Variants in PCDHA7 observed in about 807,000 individuals in gnomAD.
PCDHA7 encodes protocadherin alpha 7.
Under a neutral mutation model 57.2 loss-of-function variants are expected in PCDHA7, and 37 were observed. The observed-to-expected ratio is 0.65, with a 90% CI of 0.50 to 0.85. The LOEUF (loss-of-function observed/expected upper bound fraction) is 0.85, where lower values mean the gene tolerates loss of function less well. Among genes scored for constraint, PCDHA7 ranks in the 40% least tolerant of loss-of-function variants. The pLI is 0.00. For missense variants in PCDHA7, 1,188 were observed against 1,241.8 expected (o/e 0.96, Z 0.65); for synonymous variants, 553 against 558.8 (o/e 0.99, Z 0.15).
rs184181976 is a variant in PCDHA7, at chr5:141,009,882, A to C, written c.2759A>C (p.Lys920Thr). Reference protein sequence around the residue: ...KKKKKKKKGNKTQEKKEKGNS... With the variant: ...KKKKKKKKGNTTQEKKEKGNS... Reference sequence around the variant, plus strand: ...AAGAAGAAAAAGAAGAAGGGTAACAAGACCCAGGAGAAAAAAGAGAAAGGG... The same window carrying C: ...AAGAAGAAAAAGAAGAAGGGTAACACGACCCAGGAGAAAAAAGAGAAAGGG... The change falls in exon 4 of 4, where the codon AAG becomes ACG. Residue 920 changes from lysine (K) to threonine (T), a missense_variant. Physicochemically the swap from Lys to Thr is moderately conservative, Grantham distance 78. Transcript: ENST00000525929. 6.2e-7 allele frequency: 1 copy of C among 1,613,488 alleles called. No homozygotes were observed. Among genetic ancestry groups the C allele is most frequent in the Non-Finnish European group, 8.5e-7 (1 of 1,179,914 alleles).
At chr5:140,910,959 A>C (rs1188143214) in intron 1 of PCDHA7, among the ~76,000 whole-genome samples, 1 of 151,944 alleles carries the variant, frequency 6.6e-6, no homozygotes, top group African/African-American at 2.4e-5. Flanking sequence ...CGAGTGTAGC[A>C]CACCTCCTCA....
In PCDHA7 at chr5:141,000,775, C is replaced by T. The variant is rs919489031; in HGVS notation, c.2504-8852C>T. 3.3e-5 allele frequency among the ~76,000 whole-genome samples: 5 copies of T among 151,752 alleles called. No homozygotes were observed. In the East Asian group the frequency reaches 5.8e-4, roughly 18 times the overall value. On this transcript the variant is annotated intron_variant, in intron 3 of 3. Transcript: ENST00000525929. ...AAAAAATCTTAGCCAGGCATAGTGG[C>T]GCACACCTGTATTCCTAGCTACTCA...
At chr5:140,985,999 A>G (rs932659753) in intron 3 of PCDHA7, among the ~76,000 whole-genome samples, 10 of 152,104 alleles carry the variant, frequency 6.6e-5, no homozygotes, top group Non-Finnish European at 1.5e-4. Flanking sequence ...TCAGCCTCCC[A>G]AAGTGCTGGG....
At position 140,835,814 on chromosome 5, in the gene PCDHA7, G is replaced by T. The variant is rs2150245444; in HGVS notation, c.1431G>T (p.Val477=). ...NNPPGCHIFT[V]SAGDADAQKN... ...CGCCGGGCTGCCACATCTTCACTGTGTCGGCGGGGGACGCGGACGCGCAGA... is the reference window on the plus strand; with the variant it reads ...CGCCGGGCTGCCACATCTTCACTGTTTCGGCGGGGGACGCGGACGCGCAGA... Residue 477 remains valine (V), a synonymous_variant, in exon 1 of 4, where the codon GTG becomes GTT. Coordinates refer to ENST00000525929, the MANE Select transcript of PCDHA7 (RefSeq NM_018910.3). The T allele has an allele frequency of 3.1e-6, 5 of 1,612,862 alleles. 1 individual carries two copies. In the South Asian group the frequency reaches 5.5e-5, roughly 18 times the overall value.
chr5:140,849,560 C>T, intron 1 of PCDHA7: 1 of 1,598,572 alleles, frequency 6.3e-7, no homozygotes, highest in Non-Finnish European at 8.6e-7. Context: ...TCAAAACGCT[C>T]TCGGTTCCTG....
chr5:140,969,095 C>T, intron 1 of PCDHA7: 1 of 1,614,168 alleles, frequency 6.2e-7, no homozygotes, highest in East Asian at 2.2e-5. Flanking sequence ...AGTGCAGCCT[C>T]ACTTCATTGA....
chr5:140,867,131 T>C (rs769857763), intron 1 of PCDHA7: 1 of 152,188 alleles, frequency 6.6e-6, no homozygotes, highest in African/African-American at 2.4e-5. Context: ...TTCAAATATG[T>C]GATATTATCA....
intron 1 of PCDHA7, among the ~76,000 whole-genome samples, chr5:140,934,191 C>T (rs563342404): frequency 6.6e-6 from 1 of 152,224 alleles, no homozygotes; most frequent in African/African-American, 2.4e-5. Flanking sequence ...ACATACTTTT[C>T]ATTTCTATTT....
intron 1 of PCDHA7, among the ~76,000 whole-genome samples, chr5:140,923,134 G>A (rs962370475): frequency 3.9e-5 from 6 of 152,106 alleles, no homozygotes; most frequent in African/African-American, 1.2e-4. Flanking sequence ...CACTTTGAAG[G>A]TGGAATATAA....
chr5:140,862,363 C>T, intron 1 of PCDHA7: 1 of 339,946 alleles, frequency 2.9e-6, no homozygotes, highest in Non-Finnish European at 5.8e-6. Context: ...GACAGACGAC[C>T]CGCACCCTGA....
intron 1 of PCDHA7, among the ~76,000 whole-genome samples, chr5:140,872,046 C>T (rs1554166008): frequency 6.6e-6 from 1 of 152,230 alleles, no homozygotes; most frequent in Non-Finnish European, 1.5e-5. Context: ...AGAATTCTCC[C>T]ACTTCAGCCT....
intron 1 of PCDHA7, chr5:140,868,781 A>G (rs868977486): frequency 3.0e-5 from 9 of 299,116 alleles, no homozygotes; most frequent in African/African-American, 1.5e-4. Flanking sequence ...ATGACTTATA[A>G]TCTGAATATT....
chr5:140,871,925 T>C (rs1554165953), intron 1 of PCDHA7, among the ~76,000 whole-genome samples: 1 of 152,244 alleles, frequency 6.6e-6, no homozygotes, highest in African/African-American at 2.4e-5. Flanking sequence ...TTCCACATTG[T>C]TAGATCAACT....
intron 1 of PCDHA7, among the ~76,000 whole-genome samples, chr5:140,909,491 A>T (rs1031839388): frequency 1.3e-5 from 2 of 152,218 alleles, no homozygotes; most frequent in Non-Finnish European, 2.9e-5. Flanking sequence ...GGAGAGCTGA[A>T]CGGGGATGTG....
chr5:140,966,962 G>A (rs370831122), intron 1 of PCDHA7: 1 of 1,602,750 alleles, frequency 6.2e-7, no homozygotes, highest in Non-Finnish European at 8.5e-7. Context: ...TCGCGCGCTG[G>A]GGCTTGAGCT....
rs1362509837 is a variant in PCDHA7, at chr5:140,884,388, T to A, written c.2355+47650T>A. On this transcript the variant is annotated intron_variant, in intron 1 of 3. Transcript: ENST00000525929. ...TACTTGATCATTGCCATCTGCGCGG[T>A]GTCCAGCCTGTTGGTGCTCACGTTG... 3 of 1,613,960 alleles carry A rather than the reference T, an allele frequency of 1.9e-6. No individual in the cohort carries two copies. In the Admixed American group the frequency reaches 5.0e-5, roughly 27 times the overall value.
rs535981750 is a variant in PCDHA7 at position 140,934,094 on chromosome 5, GCTTT to G, written c.2356-44852_2356-44849del. Among the ~76,000 whole-genome samples, 58 of 151,890 alleles carry G rather than the reference GCTTT, an allele frequency of 3.8e-4. 1 individual carries two copies. The highest frequency in any genetic ancestry group is 6.8e-3 in the Middle Eastern group (2 of 292). ...TTTGGGTTCGCTTTGTTGTATGTTT[GCTTT>G]CTATTTTATTAATTTTCATACTTTA... On this transcript the variant is annotated intron_variant, in intron 1 of 3. Transcript: ENST00000525929.
intron 3 of PCDHA7, among the ~76,000 whole-genome samples, chr5:140,990,272 C>A (rs568200508): frequency 6.6e-6 from 1 of 152,196 alleles, no homozygotes; most frequent in African/African-American, 2.4e-5. Flanking sequence ...CAATGTACCC[C>A]GGGTCTTGAG....
In PCDHA7 at chr5:140,836,663, T is replaced by A; in HGVS notation, c.2280T>A (p.Ser760=). The A allele has an allele frequency of 3.1e-6, 5 of 1,613,494 alleles. No homozygotes were observed. Among genetic ancestry groups the A allele is most frequent in the Middle Eastern group, 1.7e-4 (1 of 6,060 alleles). Residue 760 remains serine (S), a synonymous_variant, in exon 1 of 4, where the codon TCT becomes TCA. Coordinates refer to ENST00000525929, the MANE Select transcript of PCDHA7 (RefSeq NM_018910.3). The part of the protein sequence containing the change: ...FSQQRRQRVC[S]GEGPPKTDLM... The stretch of plus-strand genomic sequence containing the variant: ...AGCAGAGGCGGCAGAGGGTGTGCTC[T>A]GGGGAGGGCCCACCCAAGACAGACC...
Sources: allele counts gnomAD v4.1 joint callset (sites outside exome capture counted in the v4.1 genomes callset), GRCh38; gene constraint gnomAD v4.1.1; transcripts MANE v1.5; gene names NCBI Gene and HGNC (gene_info 2026-07-23, HGNC 2026-07-21).